DOCK8: variants seen among roughly 807,000 people sequenced by gnomAD.
DOCK8 encodes dedicator of cytokinesis protein 8.
Under a neutral mutation model 245.6 loss-of-function variants are expected in DOCK8, and 141 were observed. The ratio of observed to expected loss-of-function variants is 0.57; its 90% CI spans 0.50 to 0.66. DOCK8 has a LOEUF of 0.66. Among genes scored for constraint, DOCK8 ranks in the 30% least tolerant of loss-of-function variants. DOCK8 has a pLI of 0.00. For synonymous variants in DOCK8, 1,168 were observed against 970.2 expected (o/e 1.20, Z -3.79); for missense variants, 2,965 against 2,603.4 (o/e 1.14, Z -3.02).
intron 1 of DOCK8, among the ~76,000 whole-genome samples, chr9:254,293 T>C (rs2047718493): frequency 6.6e-6 from 1 of 152,174 alleles, no homozygotes; most frequent in African/African-American, 2.4e-5. Flanking sequence ...TAAACCCTCA[T>C]GGACTCTGCA....
At chr9:294,001 C>A (rs977847837) in intron 4 of DOCK8, among the ~76,000 whole-genome samples, 11 of 152,156 alleles carry the variant, frequency 7.2e-5, no homozygotes, top group African/African-American at 2.7e-4. Flanking sequence ...TGTGTAGCTT[C>A]CAGATCTTTT....
chr9:445,867 G>T (rs1029783722), intron 43 of DOCK8, among the ~76,000 whole-genome samples: 4 of 152,202 alleles, frequency 2.6e-5, no homozygotes, highest in South Asian at 4.1e-4. Flanking sequence ...CAGTTTAACT[G>T]CATAAGAGAC....
chr9:354,811 C>G (rs1240043887), intron 14 of DOCK8, among the ~76,000 whole-genome samples: 1 of 152,196 alleles, frequency 6.6e-6, no homozygotes, highest in Non-Finnish European at 1.5e-5. Flanking sequence ...TCAAAACAAG[C>G]AAGCGGGAGG....
upstream of DOCK8, chr9:212,709 T>A (rs548454594): frequency 1.3e-5 from 2 of 152,322 alleles, no homozygotes; most frequent in South Asian, 4.1e-4. Context: ...ACCTTCATGG[T>A]TAGGTACCAA....
intron 23 of DOCK8, among the ~76,000 whole-genome samples, chr9:389,398 C>G (rs2131345518): frequency 6.6e-6 from 1 of 152,288 alleles, no homozygotes; most frequent in South Asian, 2.1e-4. Flanking sequence ...GCATCTGGCC[C>G]TGGGACATAG....
chr9:397,501 C>T (rs1157207218), intron 25 of DOCK8, among the ~76,000 whole-genome samples: 1 of 151,778 alleles, frequency 6.6e-6, no homozygotes, highest in Non-Finnish European at 1.5e-5. Flanking sequence ...CCAGCCTGGC[C>T]AACATGTTGA....
rs1165652691 is a variant in DOCK8, at chr9:403,976, G to GTATA, written c.3235-941_3235-940insATAT. On this transcript the variant is annotated intron_variant, in intron 26 of 47. Coordinates refer to ENST00000432829, the MANE Select transcript of DOCK8 (RefSeq NM_203447.4). ...TATATATATGTATATATATATATATGTGTATATATATATATGTGTATATAT... is the reference window on the plus strand; with the variant it reads ...TATATATATGTATATATATATATATGTATATGTATATATATATATGTGTATATAT... Among the ~76,000 whole-genome samples the GTATA allele has an allele frequency of 5.2e-4, 35 of 66,890 alleles. 1 individual carries two copies. The highest frequency in any genetic ancestry group is 3.2e-3 in the African/African-American group (33 of 10,182). The allele number at this position is 66,890 out of a possible 152,430, so 43.9% of individuals were successfully genotyped here.
At chr9:303,085 A>G (rs573530102) in intron 4 of DOCK8, among the ~76,000 whole-genome samples, 9 of 152,176 alleles carry the variant, frequency 5.9e-5, no homozygotes, top group African/African-American at 1.9e-4. Context: ...GCTTGAGCCT[A>G]GGAATTCAAG....
rs557255804 is a variant in DOCK8 at position 342,024 on chromosome 9, C to G, written c.1679+1703C>G. Among the ~76,000 whole-genome samples the G allele has an allele frequency of 5.9e-5, 9 of 152,312 alleles. No homozygotes were observed. The South Asian group carries it at 1.9e-3, about 32-fold the overall frequency. ...CCCTCTAATTGCAGGAAAACAAGCT[C>G]AGGGCTCCTACTGATTCTATATTAT... On this transcript the variant is annotated intron_variant, in intron 14 of 47. Transcript: ENST00000432829.
chr9:450,590 C>A (rs1227988019), intron 45 of DOCK8, among the ~76,000 whole-genome samples: 1 of 152,138 alleles, frequency 6.6e-6, no homozygotes, highest in African/African-American at 2.4e-5. Flanking sequence ...CACACTTCCA[C>A]GGCAGTTATT....
intron 24 of DOCK8, among the ~76,000 whole-genome samples, chr9:393,435 C>G (rs1333836818): frequency 6.6e-6 from 1 of 152,178 alleles, no homozygotes; most frequent in Non-Finnish European, 1.5e-5. Context: ...CTAATGTAAT[C>G]ATTATGCAAT....
rs572052576 is a variant in DOCK8, at chr9:410,862, T to G, written c.3530+3793T>G. 3.3e-5 allele frequency among the ~76,000 whole-genome samples: 5 copies of G among 152,254 alleles called. No individual in the cohort carries two copies. The South Asian group carries it at 1.0e-3, about 32-fold the overall frequency. ...GAAAAAAGGAAGAAGACTCAATTAC[T>G]AAAATCATAATTGAAAGATTCAACA... is the stretch of plus-strand genomic sequence containing the variant. On this transcript the variant is annotated intron_variant, in intron 28 of 47. Transcript: ENST00000432829.
At chr9:222,646 T>C (rs1172141764) in intron 1 of DOCK8, among the ~76,000 whole-genome samples, 3 of 152,232 alleles carry the variant, frequency 2.0e-5, no homozygotes, top group African/African-American at 7.2e-5. Flanking sequence ...AGTCATTCTT[T>C]AGGGATTAAA....
At chr9:333,833 C>G (rs1270123029) in intron 10 of DOCK8, among the ~76,000 whole-genome samples, 1 of 152,024 alleles carries the variant, frequency 6.6e-6, no homozygotes, top group African/African-American at 2.4e-5. Context: ...TTTGGAGAAA[C>G]AGGTTCACTT....
intron 1 of DOCK8, among the ~76,000 whole-genome samples, chr9:223,974 A>G (rs2046936862): frequency 1.3e-5 from 2 of 152,176 alleles, no homozygotes; most frequent in South Asian, 4.1e-4. Context: ...AAGCAAGCCT[A>G]TTAAATAAAA....
chr9:390,714 T>C, intron 24 of DOCK8, 148 bp downstream of exon 24: 1 of 750,642 alleles, frequency 1.3e-6, no homozygotes, highest in Admixed American at 2.1e-5. Flanking sequence ...CCTCCCATCC[T>C]TCTTCCACTA....
chr9:388,798 G>GC (rs58683509), intron 23 of DOCK8, among the ~76,000 whole-genome samples: 48,430 of 151,846 alleles, frequency 0.32, 8,472 homozygotes, highest in African/African-American at 0.46. Context: ...CAAGTAATCT[G>GC]CCTCCTCGGC....
chr9:243,805 C>G (rs574015933), intron 1 of DOCK8, among the ~76,000 whole-genome samples: 2 of 152,124 alleles, frequency 1.3e-5, no homozygotes, highest in East Asian at 3.9e-4. Context: ...GACCCACAAT[C>G]CCCCTTTTTC....
At chr9:444,466 G>C (rs2057190713) in intron 43 of DOCK8, among the ~76,000 whole-genome samples, 2 of 151,888 alleles carry the variant, frequency 1.3e-5, no homozygotes, top group South Asian at 4.2e-4. Context: ...TATGATAAAG[G>C]GTGAACATCT....
Sources: gnomAD v4.1 joint callset for allele counts (sites outside exome capture counted in the v4.1 genomes callset) on GRCh38, gnomAD v4.1.1 for gene constraint, MANE v1.5 for transcripts, NCBI Gene and HGNC (gene_info 2026-07-23, HGNC 2026-07-21) for gene names.